SOX6: variants seen among roughly 807,000 people sequenced by gnomAD.
The protein encoded by SOX6 is SRY-box transcription factor 6.
In SOX6, 11 loss-of-function variants were observed where a neutral mutation model predicts 97.8. The ratio of observed to expected loss-of-function variants is 0.11; its 90% CI spans 0.07 to 0.19. The LOEUF (loss-of-function observed/expected upper bound fraction) is 0.19, where lower values mean the gene tolerates loss of function less well. Among genes scored for constraint, SOX6 ranks in the 10% least tolerant of loss-of-function variants. SOX6 has a pLI of 1.00. For synonymous variants in SOX6, 360 were observed against 371.4 expected (o/e 0.97, Z 0.35); for missense variants, 810 against 1,039.5 (o/e 0.78, Z 3.04).
intron 1 of SOX6, among the ~76,000 whole-genome samples, chr11:16,349,661 A>AGG (rs1856861867): frequency 1.5e-5 from 1 of 66,104 alleles, no homozygotes; most frequent in Non-Finnish European, 3.0e-5. Context: ...CAGAAGAAAG[A>AGG]GAGGGAGGGA....
intron 4 of SOX6, among the ~76,000 whole-genome samples, chr11:16,530,946 TAAATATATTATATATAGAATGTA>T (rs1861228297): frequency 6.8e-6 from 1 of 148,066 alleles, no homozygotes; most frequent in Admixed American, 6.8e-5. Flanking sequence ...ATATAGAATG[TAAATATATTATATATAGAATGTA>T]AATATATATA....
chr11:16,503,902 G>A (rs1285797979), intron 4 of SOX6, among the ~76,000 whole-genome samples: 1 of 151,986 alleles, frequency 6.6e-6, no homozygotes, highest in African/African-American at 2.4e-5. Flanking sequence ...AATTAGCCAG[G>A]CATGGTGGTG....
chr11:16,690,585 C>T (rs529611428), intron 3 of SOX6, among the ~76,000 whole-genome samples: 19 of 152,290 alleles, frequency 1.2e-4, no homozygotes, highest in African/African-American at 3.6e-4. Flanking sequence ...AATAGTACCC[C>T]ACTATATGTT....
intron 4 of SOX6, among the ~76,000 whole-genome samples, chr11:16,524,281 T>C (rs554128418): frequency 2.8e-4 from 43 of 151,536 alleles, no homozygotes; most frequent in African/African-American, 1.0e-3. Context: ...TTATCCACCA[T>C]GATCAAGTGG....
At chr11:16,369,104 C>A (rs959343267) in intron 1 of SOX6, among the ~76,000 whole-genome samples, 1 of 151,724 alleles carries the variant, frequency 6.6e-6, no homozygotes, top group African/African-American at 2.4e-5. Flanking sequence ...AGAATGTATA[C>A]GAATGACAAT....
At chr11:16,281,606 G>A (rs962213481) in intron 3 of SOX6, among the ~76,000 whole-genome samples, 5 of 151,860 alleles carry the variant, frequency 3.3e-5, no homozygotes, top group Admixed American at 6.6e-5. Context: ...AATAACATAC[G>A]TATTTAATAG....
Position 16,055,839 on chromosome 11 carries a change from A to C in SOX6, c.1164T>G (p.Thr388=). The C allele has an allele frequency of 1.2e-6, 2 of 1,613,692 alleles. No homozygotes were observed. Among genetic ancestry groups the C allele is most frequent in the Non-Finnish European group, 1.7e-6 (2 of 1,179,822 alleles). The part of the protein sequence containing the change: ...QVSPGAKMPS[T]PQPPNTAGTV... ...TCCCTGCTGTGTTTGGTGGCTGTGG[A>C]GTTGATGGCATCTTTGCTCCAGGTG... Residue 388 remains threonine, a synonymous_variant, in exon 10 of 16, where the codon ACT becomes ACG. Coordinates refer to ENST00000683767, the MANE Select transcript of SOX6 (RefSeq NM_001367873.1).
At chr11:16,203,547 A>G (rs568801952) in intron 4 of SOX6, among the ~76,000 whole-genome samples, 2 of 152,314 alleles carry the variant, frequency 1.3e-5, no homozygotes, top group South Asian at 4.1e-4. Flanking sequence ...AGACATGGTT[A>G]TATCAAACAT....
At chr11:16,027,791 G>A (rs1052771081) in intron 12 of SOX6, among the ~76,000 whole-genome samples, 4 of 152,320 alleles carry the variant, frequency 2.6e-5, no homozygotes, top group South Asian at 2.1e-4. Context: ...CATGCTCACC[G>A]CGCATCTAGA....
intron 1 of SOX6, among the ~76,000 whole-genome samples, chr11:16,463,091 T>A (rs1393928): frequency 0.12 from 17,600 of 152,152 alleles, 1,036 homozygotes; most frequent in Non-Finnish European, 0.14. Flanking sequence ...CTGTGAAAAT[T>A]TTATCAGATA....
chr11:16,122,429 CA>C (rs894969059), intron 6 of SOX6, among the ~76,000 whole-genome samples: 2 of 151,778 alleles, frequency 1.3e-5, no homozygotes, highest in African/African-American at 4.8e-5. Flanking sequence ...AGTGTTTTGC[CA>C]AGATAAAAAT....
chr11:16,174,034 C>CTTTTTTTTTT (rs76988026), intron 6 of SOX6, among the ~76,000 whole-genome samples: 2 of 132,030 alleles, frequency 1.5e-5, no homozygotes, highest in African/African-American at 2.7e-5. Context: ...TCCTTTGTTT[C>CTTTTTTTTTT]TTTTTTTTTT....
At chr11:16,656,455 A>G (rs977277113) in intron 3 of SOX6, among the ~76,000 whole-genome samples, 2 of 152,182 alleles carry the variant, frequency 1.3e-5, no homozygotes, top group African/African-American at 2.4e-5. Flanking sequence ...TCACAGAAAC[A>G]GTATTTTAGC....
At position 16,058,871 on chromosome 11, in the gene SOX6, G is replaced by A. The variant is rs555091844; in HGVS notation, c.1102-2970C>T. Among the ~76,000 whole-genome samples, 141 of 152,196 alleles carry A rather than the reference G, an allele frequency of 9.3e-4. 5 individuals carry two copies. The South Asian group carries it at 0.028, about 30-fold the overall frequency. ...TATGTGCTCATGGGGCTGGAAGGGA[G>A]GAGGCAGGGATGGTAGTTACCAGGT... is the stretch of plus-strand genomic sequence containing the variant. On this transcript the variant is annotated intron_variant, in intron 9 of 15. Coordinates refer to ENST00000683767, the MANE Select transcript of SOX6 (RefSeq NM_001367873.1).
At chr11:16,303,315 G>A (rs1324462222) in intron 3 of SOX6, among the ~76,000 whole-genome samples, 1 of 152,162 alleles carries the variant, frequency 6.6e-6, no homozygotes, top group Admixed American at 6.5e-5. Context: ...TGTGAAGATA[G>A]ACTAAAGATA....
chr11:15,986,589 C>T (rs532543649), intron 14 of SOX6, among the ~76,000 whole-genome samples, 169 bp from the exon 15 acceptor site: 1 of 152,262 alleles, frequency 6.6e-6, no homozygotes, highest in South Asian at 2.1e-4. Context: ...ACACAAAGAA[C>T]AATTTTGCGT....
chr11:15,994,013 T>C (rs542920542), intron 13 of SOX6, among the ~76,000 whole-genome samples: 8 of 152,212 alleles, frequency 5.3e-5, no homozygotes, highest in Non-Finnish European at 1.0e-4. Flanking sequence ...TAATAATTTA[T>C]TTATGTATTA....
intron 4 of SOX6, among the ~76,000 whole-genome samples, chr11:16,564,670 C>A (rs1265610241): frequency 6.6e-6 from 1 of 151,910 alleles, no homozygotes; most frequent in Non-Finnish European, 1.5e-5. Flanking sequence ...GAACTATCTC[C>A]AAATCCTTGG....
chr11:16,186,209 A>G (rs1851469909), intron 5 of SOX6, among the ~76,000 whole-genome samples: 3 of 152,186 alleles, frequency 2.0e-5, no homozygotes, highest in Admixed American at 2.0e-4. Flanking sequence ...TACCTATGCT[A>G]TAAATAGTGA....
Sources: gnomAD v4.1 joint callset for allele counts (sites outside exome capture counted in the v4.1 genomes callset) on GRCh38, gnomAD v4.1.1 for gene constraint, MANE v1.5 for transcripts, NCBI Gene and HGNC (gene_info 2026-07-23, HGNC 2026-07-21) for gene names.